ITIH5: variants seen among roughly 807,000 people sequenced by gnomAD.
ITIH5 encodes the protein inter-alpha-trypsin inhibitor heavy chain H5.
Under a neutral mutation model 77.5 loss-of-function variants are expected in ITIH5, and 65 were observed. The observed-to-expected ratio is 0.84, with a 90% confidence interval of 0.69 to 1.03. The LOEUF (loss-of-function observed/expected upper bound fraction) is 1.03. Ranked by LOEUF, ITIH5 falls within the 50% of genes least tolerant of loss-of-function variation. The pLI is 0.00. For synonymous variants in ITIH5, 525 were observed against 494.3 expected (o/e 1.06, Z -0.82); for missense variants, 1,208 against 1,213.1 (o/e 1.00, Z 0.06).
chr10:7,617,053 G>T (rs1833381280), intron 6 of ITIH5, 60 bp downstream of exon 6: 1 of 1,085,252 alleles, frequency 9.2e-7, no homozygotes, highest in Non-Finnish European at 1.3e-6. Context: ...GGGATCCACA[G>T]TATGAGTCTG....
At chr10:7,574,080 T>G (rs1832359478) in intron 10 of ITIH5, among the ~76,000 whole-genome samples, 1 of 152,240 alleles carries the variant, frequency 6.6e-6, no homozygotes, top group African/African-American at 2.4e-5. Flanking sequence ...TCTGTAGCTA[T>G]GTGTGCGGCG....
At chr10:7,661,840 A>G (rs1834281458) in intron 1 of ITIH5, among the ~76,000 whole-genome samples, 1 of 152,118 alleles carries the variant, frequency 6.6e-6, no homozygotes, top group Non-Finnish European at 1.5e-5. Context: ...ACCTGGGACT[A>G]CAGGTGCATG....
At chr10:7,589,929 C>T (rs993653725) in intron 7 of ITIH5, among the ~76,000 whole-genome samples, 1 of 136,734 alleles carries the variant, frequency 7.3e-6, no homozygotes, top group Admixed American at 7.3e-5. Flanking sequence ...TCCCCCACCC[C>T]CCGCCCGCTG....
intron 7 of ITIH5, among the ~76,000 whole-genome samples, chr10:7,601,260 G>A (rs1833009474): frequency 6.6e-6 from 1 of 152,184 alleles, no homozygotes; most frequent in African/African-American, 2.4e-5. Context: ...GTCTAAAACA[G>A]TGACTGTGAG....
chr10:7,580,045 G>A lies in ITIH5; in HGVS notation c.1128C>T (p.Ala376=). ...TGAGGAGCCTGATGGCCCTCTGCAG[G>A]GCCCCGTTGATGTCTGTGCCTGCAG... ...SPTGGTDING[A]LQRAIRLLNK... Residue 376 remains alanine, a synonymous_variant, in exon 9 of 14, where the codon GCC becomes GCT. Coordinates refer to ENST00000397146, the MANE Select transcript of ITIH5 (RefSeq NM_030569.7). 6.2e-7 allele frequency: 1 copy of A among 1,606,888 alleles called. No homozygotes were observed. Among genetic ancestry groups the A allele is most frequent in the Non-Finnish European group, 8.5e-7 (1 of 1,177,850 alleles).
Position 7,616,059 on chromosome 10 carries a change from C to G in ITIH5, c.862G>C (p.Asp288His), listed in dbSNP as rs769571993. Residue 288 changes from aspartate to histidine, a missense_variant, in exon 7 of 14, where the codon GAC (aspartate) becomes CAC (histidine). Physicochemically the swap from Asp to His is moderately conservative, Grantham distance 81. Coordinates refer to ENST00000397146, the MANE Select transcript of ITIH5 (RefSeq NM_030569.7). Reference sequence around the variant, plus strand: ...ACATTCTTGGGTAAAGGAGGAAGGTCTTTAGGAGCAAAGTAGTGCACAAAA... The same window carrying G: ...ACATTCTTGGGTAAAGGAGGAAGGTGTTTAGGAGCAAAGTAGTGCACAAAA... ...GYFVHYFAPK[D>H]LPPLPKNVVF... The G allele has an allele frequency of 1.2e-6, 2 of 1,613,246 alleles. No individual in the cohort carries two copies. The highest frequency in any genetic ancestry group is 1.7e-5 in the Admixed American group (1 of 60,010).
At chr10:7,622,798 G>C (rs918349503) in intron 5 of ITIH5, among the ~76,000 whole-genome samples, 1 of 152,150 alleles carries the variant, frequency 6.6e-6, no homozygotes, top group Non-Finnish European at 1.5e-5. Context: ...AATTTTGCAC[G>C]TAAGCGTAAA....
At chr10:7,648,020 G>A (rs1428917644) in intron 2 of ITIH5, among the ~76,000 whole-genome samples, 6 of 151,858 alleles carry the variant, frequency 4.0e-5, no homozygotes, top group African/African-American at 1.2e-4. Flanking sequence ...GAAGCAGGTG[G>A]ATCACGAAGT....
At chr10:7,564,540 A>G (rs889249724) in intron 13 of ITIH5, among the ~76,000 whole-genome samples, 5 of 152,142 alleles carry the variant, frequency 3.3e-5, no homozygotes, top group African/African-American at 1.2e-4. Context: ...ATGCAGTCAC[A>G]TGCTGTACAG....
At chr10:7,584,509 TG>T (rs1251986748) in intron 8 of ITIH5, among the ~76,000 whole-genome samples, 3 of 152,048 alleles carry the variant, frequency 2.0e-5, no homozygotes. Flanking sequence ...TTCGCCATGT[TG>T]GCCAGGCTGG....
chr10:7,582,276 G>A (rs912618546), intron 8 of ITIH5, among the ~76,000 whole-genome samples: 2 of 152,134 alleles, frequency 1.3e-5, no homozygotes, highest in Admixed American at 6.5e-5. Flanking sequence ...TCTTTGATAG[G>A]AGCTGAACAA....
At chr10:7,602,399 T>C (rs1644471175) in intron 7 of ITIH5, among the ~76,000 whole-genome samples, 1 of 152,182 alleles carries the variant, frequency 6.6e-6, no homozygotes, top group African/African-American at 2.4e-5. Flanking sequence ...TTAATCCCCA[T>C]AATCCCTACG....
chr10:7,585,996 T>C lies in ITIH5; in HGVS notation c.1013A>G (p.Asn338Ser), dbSNP rs1001515919. 9 of 1,613,976 alleles carry C rather than the reference T, an allele frequency of 5.6e-6. No individual in the cohort carries two copies. The highest frequency in any genetic ancestry group is 7.6e-6 in the Non-Finnish European group (9 of 1,180,004). Residue 338 changes from asparagine (N) to serine (S), a missense_variant, in exon 8 of 14, where the codon AAC becomes AGC. Physicochemically the swap from Asn to Ser is conservative, Grantham distance 46. Transcript: ENST00000397146. Reference sequence around the variant, plus strand: ...GTGGTCCTTCCATACTTTGATCCGGTTGGAAAATCCAATGATACTGAAACG... The same window carrying C: ...GTGGTCCTTCCATACTTTGATCCGGCTGGAAAATCCAATGATACTGAAACG... ...QDRFSIIGFS[N>S]RIKVWKDHLI...
intron 7 of ITIH5, among the ~76,000 whole-genome samples, chr10:7,590,770 G>A (rs970820290): frequency 1.3e-4 from 20 of 152,336 alleles, no homozygotes; most frequent in African/African-American, 4.8e-4. Context: ...TGGAAGCGGA[G>A]CGACAAAGGG....
intron 7 of ITIH5, chr10:7,609,608 T>C (rs1833200987): frequency 2.6e-6 from 1 of 381,024 alleles, no homozygotes; most frequent in Admixed American, 3.6e-5. Context: ...ACGTTTGCCC[T>C]CATTTTAACT....
Position 7,586,067 on chromosome 10 carries a change from G to T in ITIH5, c.942C>A (p.Thr314=). 1 of 1,611,806 alleles carries T rather than the reference G, an allele frequency of 6.2e-7. No homozygotes were observed. Among genetic ancestry groups the T allele is most frequent in the Non-Finnish European group, 8.5e-7 (1 of 1,179,116 alleles). ...GGAGAATTGTGAAGAGGGCATCCTT[G>T]GTCTAGGCAAACACAAAAGCAAAAC... ...ASMVGTKLRQ[T]KDALFTILHD... Residue 314 remains threonine, a splice_region_variant and synonymous_variant, in exon 8 of 14, where the codon ACC becomes ACA. Transcript: ENST00000397146.
intron 7 of ITIH5, among the ~76,000 whole-genome samples, chr10:7,599,399 G>C (rs1377048333): frequency 1.3e-5 from 2 of 152,200 alleles, no homozygotes; most frequent in African/African-American, 4.8e-5. Context: ...AGCTCTGTGT[G>C]TAACTGGTGT....
Position 7,563,221 on chromosome 10 carries a change from G to T in ITIH5, c.2691C>A (p.Asn897Lys). 6.2e-7 allele frequency: 1 copy of T among 1,614,222 alleles called. No individual in the cohort carries two copies. Residue 897 changes from asparagine (N) to lysine (K), a missense_variant, in exon 14 of 14, where the codon AAC becomes AAA. By Grantham distance (94) the Asn-to-Lys change is moderately conservative. Coordinates refer to ENST00000397146, the MANE Select transcript of ITIH5 (RefSeq NM_030569.7). Reference sequence around the variant, plus strand: ...ACCAGCAGTCTATCTGCTCTTCCCCGTTGTAAATCTTCCTTTGCTTCCAGA... The same window carrying T: ...ACCAGCAGTCTATCTGCTCTTCCCCTTTGTAAATCTTCCTTTGCTTCCAGA... ...PVVWKQRKIY[N>K]GEEQIDCWFA... is the part of the protein sequence containing the mutation.
intron 8 of ITIH5, among the ~76,000 whole-genome samples, chr10:7,584,310 C>G (rs58715543): frequency 7.9e-6 from 1 of 127,190 alleles, no homozygotes; most frequent in Non-Finnish European, 1.7e-5. Context: ...TTTTTTTTTT[C>G]TTTTTTTTTT....
Sources: gnomAD v4.1 joint callset for allele counts (sites outside exome capture counted in the v4.1 genomes callset) on GRCh38, gnomAD v4.1.1 for gene constraint, MANE v1.5 for transcripts, NCBI Gene and HGNC (gene_info 2026-07-23, HGNC 2026-07-21) for gene names.